SYNE2: variants seen among roughly 807,000 people sequenced by gnomAD.
SYNE2 encodes the protein spectrin repeat containing nuclear envelope protein 2, also known as nesprin-2.
Under a neutral mutation model 856.3 loss-of-function variants are expected in SYNE2, and 431 were observed. The observed-to-expected ratio is 0.50, with a 90% CI of 0.47 to 0.55. The LOEUF is 0.55. Among genes scored for constraint, SYNE2 ranks in the 20% least tolerant of loss-of-function variants. SYNE2 has a pLI of 0.00. For synonymous variants in SYNE2, 2,923 were observed against 2,872.3 expected (o/e 1.02, Z -0.56); for missense variants, 8,129 against 8,023.2 (o/e 1.01, Z -0.50).
chr14:64,112,705 C>T (rs551543966), intron 65 of SYNE2, among the ~76,000 whole-genome samples: 2 of 152,254 alleles, frequency 1.3e-5, no homozygotes, highest in African/African-American at 4.8e-5. Context: ...TTTAGGGATT[C>T]CTTCTGAGGA....
At chr14:63,819,102 T>G (rs1380329969) in intron 1 of SYNE2, among the ~76,000 whole-genome samples, 1 of 151,842 alleles carries the variant, frequency 6.6e-6, no homozygotes, top group Non-Finnish European at 1.5e-5. Context: ...GTAAAACTGC[T>G]TATATCTGAT....
intron 71 of SYNE2, among the ~76,000 whole-genome samples, chr14:64,125,939 G>A (rs1438713133): frequency 6.6e-6 from 1 of 152,090 alleles, no homozygotes; most frequent in Non-Finnish European, 1.5e-5. Context: ...CCTTCTCCCA[G>A]CTATACTTGA....
At chr14:63,784,461 C>A (rs1005652857) in intron 1 of SYNE2, among the ~76,000 whole-genome samples, 1 of 151,920 alleles carries the variant, frequency 6.6e-6, no homozygotes, top group Non-Finnish European at 1.5e-5. Flanking sequence ...CGTGCCACTG[C>A]GCTCCAGCCT....
At chr14:63,969,499 G>T (rs745753490) in intron 11 of SYNE2, among the ~76,000 whole-genome samples, 1 of 151,502 alleles carries the variant, frequency 6.6e-6, no homozygotes, top group African/African-American at 2.4e-5. Context: ...ATCCCACCAC[G>T]CCCAGCTAAT....
chr14:64,212,849 T>C lies in SYNE2; in HGVS notation c.18900T>C (p.Ile6300=). Residue 6300 remains isoleucine, a synonymous_variant, in exon 105 of 116, where the codon ATT becomes ATC. Coordinates refer to ENST00000555002, the MANE Select transcript of SYNE2 (RefSeq NM_182914.3). The part of the protein sequence containing the change: ...QQEITLNTNK[I]DQLIVFGEQL... ...AAATTACATTAAATACCAACAAGAT[T>C]GATCAGCTCATTGTGTTTGGGGAGC... is the stretch of plus-strand genomic sequence containing the variant. The C allele has an allele frequency of 1.2e-6, 2 of 1,614,214 alleles. No individual in the cohort carries two copies. The highest frequency in any genetic ancestry group is 8.5e-7 in the Non-Finnish European group (1 of 1,180,038).
chr14:63,927,907 C>G (rs1020076365), intron 2 of SYNE2, among the ~76,000 whole-genome samples: 3 of 152,018 alleles, frequency 2.0e-5, no homozygotes, highest in African/African-American at 7.2e-5. Context: ...AAAAAACATG[C>G]CTTTCGCCTT....
intron 1 of SYNE2, among the ~76,000 whole-genome samples, chr14:63,863,191 T>C (rs531278125): frequency 1.3e-5 from 2 of 152,314 alleles, no homozygotes; most frequent in African/African-American, 4.8e-5. Context: ...GTATTCAGCA[T>C]GTGGGGATGC....
At chr14:63,949,732 A>G in intron 6 of SYNE2, 93 bp from the exon 7 acceptor site, 1 of 1,248,276 alleles carries the variant, frequency 8.0e-7, no homozygotes, top group Non-Finnish European at 1.2e-6. Flanking sequence ...CTGTCACAGG[A>G]TGCTTTTTAG....
chr14:64,130,004 G>A (rs753206160), intron 75 of SYNE2, 44 bp from the exon 76 acceptor site: 113 of 1,612,916 alleles, frequency 7.0e-5, no homozygotes, highest in Non-Finnish European at 9.1e-5. Flanking sequence ...TTATTGCCCC[G>A]GTTGGATGAA....
chr14:63,962,901 C>A (rs1383421574), intron 9 of SYNE2, among the ~76,000 whole-genome samples: 1 of 152,146 alleles, frequency 6.6e-6, no homozygotes, highest in Non-Finnish European at 1.5e-5. Flanking sequence ...CAGTGAATTA[C>A]ACAAAATATT....
chr14:64,208,612 G>A, intron 100 of SYNE2, 146 bp from the exon 101 acceptor site: 1 of 794,074 alleles, frequency 1.3e-6, no homozygotes, highest in East Asian at 2.6e-5. Flanking sequence ...GGGATTCCAT[G>A]TGTACTGCCA....
At chr14:64,197,279 T>C (rs2098544767) in intron 99 of SYNE2, among the ~76,000 whole-genome samples, 1 of 152,184 alleles carries the variant, frequency 6.6e-6, no homozygotes, top group African/African-American at 2.4e-5. Context: ...AGCGTCAGCA[T>C]GCGTGTGGTG....
chr14:64,218,331 G>T, intron 108 of SYNE2, 67 bp from the exon 109 acceptor site: 2 of 1,400,854 alleles, frequency 1.4e-6, no homozygotes, highest in South Asian at 1.2e-5. Context: ...AATATGAAAT[G>T]AATCCAGTTG....
rs1316879343 is a variant in SYNE2, at chr14:64,190,389, T to G, written c.18038+152T>G. 7.9e-6 allele frequency: 8 copies of G among 1,017,046 alleles called. No individual in the cohort carries two copies. In the East Asian group the frequency reaches 1.8e-4, roughly 23 times the overall value. The allele number at this position is 1,017,046 out of a possible 1,614,324, so 63.0% of individuals were successfully genotyped here. A position where few individuals can be genotyped will look rare whatever the true frequency, so the allele number is the denominator to read the frequency against. ...TTGATAAAAATGAGTGGAAATTCTT[T>G]CAGTGTTACAAAAAGAATTATATGC... On this transcript the variant is annotated intron_variant, in intron 99 of 115. Transcript: ENST00000555002.
chr14:64,167,051 G>T (rs558241458), intron 90 of SYNE2, 182 bp from the exon 91 acceptor site: 19 of 683,232 alleles, frequency 2.8e-5, no homozygotes, highest in Non-Finnish European at 4.2e-5. Flanking sequence ...ATTCTAGAAG[G>T]CACAGCATTG....
intron 104 of SYNE2, 82 bp downstream of exon 104, chr14:64,212,180 A>G (rs2098645105): frequency 1.9e-6 from 3 of 1,601,558 alleles, no homozygotes; most frequent in African/African-American, 2.7e-5. Context: ...ATTTCACACG[A>G]TACTCTGAGA....
chr14:63,814,099 C>T (rs1888728804), intron 1 of SYNE2, among the ~76,000 whole-genome samples: 1 of 150,254 alleles, frequency 6.7e-6, no homozygotes. Context: ...ACAGCAACAA[C>T]AATAACAAAA....
intron 70 of SYNE2, among the ~76,000 whole-genome samples, chr14:64,124,761 G>A (rs2097924854): frequency 6.6e-6 from 1 of 152,132 alleles, no homozygotes; most frequent in South Asian, 2.1e-4. Context: ...CCAGCACTTT[G>A]GGAGGCTGAG....
At chr14:63,789,857 A>T (rs1887671146) in intron 1 of SYNE2, among the ~76,000 whole-genome samples, 1 of 152,122 alleles carries the variant, frequency 6.6e-6, no homozygotes. Context: ...AAGTGAGTGT[A>T]GAGATGAAAA....
Sources: gnomAD v4.1 joint callset for allele counts (sites outside exome capture counted in the v4.1 genomes callset) on GRCh38, gnomAD v4.1.1 for gene constraint, MANE v1.5 for transcripts, NCBI Gene and HGNC (gene_info 2026-07-23, HGNC 2026-07-21) for gene names.